The following ACACB variants were observed in gnomAD, a reference collection of about 807,000 sequenced individuals.
ACACB encodes acetyl-CoA carboxylase 2.
ACACB carries 209 observed loss-of-function variants against 278.8 expected under a neutral mutation model. The ratio of observed to expected loss-of-function variants is 0.75; its 90% CI spans 0.67 to 0.84. The LOEUF (loss-of-function observed/expected upper bound fraction) is 0.84, where lower values mean the gene tolerates loss of function less well. Ranked by LOEUF, ACACB falls within the 40% of genes least tolerant of loss-of-function variation. The pLI is 0.00. For missense variants in ACACB, 2,850 were observed against 3,269.0 expected (o/e 0.87, Z 3.13); for synonymous variants, 1,174 against 1,285.6 (o/e 0.91, Z 1.86).
At chr12:109,258,153 T>C in intron 45 of ACACB, 115 bp from the exon 46 acceptor site, 1 of 706,934 alleles carries the variant, frequency 1.4e-6, no homozygotes, top group Admixed American at 2.9e-5. Flanking sequence ...AATAAAATAA[T>C]CCGCCAGATT....
intron 29 of ACACB, among the ~76,000 whole-genome samples, 193 bp downstream of exon 29, chr12:109,232,999 G>C (rs2046520165): frequency 6.6e-6 from 1 of 152,134 alleles, no homozygotes; most frequent in African/African-American, 2.4e-5. Context: ...GCCTGGCACA[G>C]CACATCAATA....
At chr12:109,206,426 C>G (rs892412411) in intron 19 of ACACB, among the ~76,000 whole-genome samples, 8 of 63,444 alleles carry the variant, frequency 1.3e-4, no homozygotes, top group African/African-American at 8.5e-4. Flanking sequence ...ATGCGAGTGT[C>G]TCAAAAAAAA....
chr12:109,159,259 G>A (rs2043643761), intron 2 of ACACB, among the ~76,000 whole-genome samples: 1 of 152,236 alleles, frequency 6.6e-6, no homozygotes, highest in East Asian at 1.9e-4. Context: ...TTTGGAAGTA[G>A]TTGTAATTAC....
At chr12:109,207,252 AGCCCCTCG>A (rs2045549878) in intron 20 of ACACB, among the ~76,000 whole-genome samples, 1 of 152,102 alleles carries the variant, frequency 6.6e-6, no homozygotes, top group South Asian at 2.1e-4. Context: ...CACCGCACCC[AGCCCCTCG>A]GTTGTGTTTA....
At chr12:109,264,753 C>G (rs2047470279) in intron 50 of ACACB, among the ~76,000 whole-genome samples, 1 of 152,148 alleles carries the variant, frequency 6.6e-6, no homozygotes, top group African/African-American at 2.4e-5. Flanking sequence ...GCAAGGACTC[C>G]CACAGTCACC....
At chr12:109,259,193 T>C in intron 47 of ACACB, 85 bp downstream of exon 47, 1 of 1,485,888 alleles carries the variant, frequency 6.7e-7, no homozygotes, top group Non-Finnish European at 9.2e-7. Flanking sequence ...GCTAATGTCC[T>C]AGTCTGTGCC....
At chr12:109,155,551 C>T (rs2136100362) in intron 2 of ACACB, among the ~76,000 whole-genome samples, 1 of 151,360 alleles carries the variant, frequency 6.6e-6, no homozygotes, top group East Asian at 1.9e-4. Context: ...AATTCCACCC[C>T]TGTGATGTTT....
rs1565935939 is a variant in ACACB, at chr12:109,216,706, G to A, written c.3439G>A (p.Ala1147Thr). 6.2e-7 allele frequency: 1 copy of A among 1,614,172 alleles called. No homozygotes were observed. The highest frequency in any genetic ancestry group is 1.7e-5 in the Admixed American group (1 of 60,012). Reference sequence around the variant, plus strand: ...GCGTGTTGAGCACCATTTTCAGCAAGGCAAGAGATGCTGATGCCAACACCA... The same window carrying A: ...GCGTGTTGAGCACCATTTTCAGCAAAGCAAGAGATGCTGATGCCAACACCA... ...YLRVEHHFQQAHYDKCVINLR... is the reference protein window; with the variant it reads ...YLRVEHHFQQTHYDKCVINLR... The change falls in exon 23 of 53, where the codon GCC becomes ACC. Residue 1147 changes from alanine to threonine, a missense_variant and splice_region_variant. Physicochemically the swap from Ala to Thr is moderately conservative, Grantham distance 58. Around this residue, in one of 3 missense-constraint regions of ACACB, gnomAD observed 2,265 missense variants for 2,561.3 expected, o/e 0.88. Coordinates refer to ENST00000338432, the MANE Select transcript of ACACB (RefSeq NM_001093.4).
At chr12:109,230,714 G>A (rs1316120069) in intron 28 of ACACB, among the ~76,000 whole-genome samples, 3 of 152,190 alleles carry the variant, frequency 2.0e-5, no homozygotes, top group African/African-American at 7.2e-5. Context: ...ATAGGCGCGA[G>A]CCCCTGTGCC....
In ACACB at chr12:109,179,211, T is replaced by TGCTCCATCCAGCG. The variant is rs746524443; in HGVS notation, c.1564_1576dup (p.Arg526LeufsTer11). 6.2e-7 allele frequency: 1 copy of TGCTCCATCCAGCG among 1,614,142 alleles called. No homozygotes were observed. The highest frequency in any genetic ancestry group is 1.1e-5 in the South Asian group (1 of 91,084). Reference sequence around the variant, plus strand: ...TGCTGTGTCTCTGTTTGGTCGCGACTGCTCCATCCAGCGGCGGCATCAGAA... The same window carrying TGCTCCATCCAGCG: ...TGCTGTGTCTCTGTTTGGTCGCGACTGCTCCATCCAGCGGCTCCATCCAGCGGCGGCATCAGAA... On this transcript the variant is annotated frameshift_variant, in exon 10 of 53. Coordinates refer to ENST00000338432, the MANE Select transcript of ACACB (RefSeq NM_001093.4). LOFTEE classifies it high-confidence loss of function.
intron 11 of ACACB, among the ~76,000 whole-genome samples, chr12:109,181,138 C>T (rs532088532): frequency 3.8e-4 from 57 of 151,892 alleles, no homozygotes; most frequent in African/African-American, 1.3e-3. Context: ...GTTCCATCCA[C>T]GTTGTTGCAA....
chr12:109,210,235 A>ACATATACACACATATCTGTGTG (rs2045734851), intron 21 of ACACB, among the ~76,000 whole-genome samples: 1 of 21,076 alleles, frequency 4.7e-5, no homozygotes, highest in Non-Finnish European at 7.9e-5. Context: ...GTGTATATGT[A>ACATATACACACATATCTGTGTG]TATATGTATA....
intron 50 of ACACB, among the ~76,000 whole-genome samples, 154 bp downstream of exon 50, chr12:109,264,540 C>T (rs1318727214): frequency 1.3e-5 from 2 of 152,090 alleles, no homozygotes; most frequent in East Asian, 3.9e-4. Context: ...TTAAAATAAT[C>T]CCGATCCCCA....
chr12:109,114,460 G>C (rs1310263984), upstream of ACACB, among the ~76,000 whole-genome samples: 2 of 152,148 alleles, frequency 1.3e-5, no homozygotes, highest in Admixed American at 1.3e-4. Flanking sequence ...GTGGGGGAAG[G>C]CATGTGAATT....
Position 109,246,367 on chromosome 12 carries a change from C to A in ACACB, c.5490C>A (p.Asn1830Lys). ...EGIPKIYVAA[N>K]SGARIGMAEE... ...TTCCCAAAATTTACGTGGCAGCCAA[C>A]AGTGGCGCCCGTATTGGCATGGCAG... The change falls in exon 39 of 53, where the codon AAC (asparagine) becomes AAA (lysine). Residue 1830 changes from asparagine to lysine, a missense_variant. By Grantham distance (94) the Asn-to-Lys change is moderately conservative (BLOSUM62 0). Transcript: ENST00000338432. The A allele has an allele frequency of 6.2e-7, 1 of 1,613,408 alleles. No individual in the cohort carries two copies. The highest frequency in any genetic ancestry group is 8.5e-7 in the Non-Finnish European group (1 of 1,179,918).
chr12:109,128,853 G>A (rs1374992694), intron 1 of ACACB, among the ~76,000 whole-genome samples: 1 of 151,350 alleles, frequency 6.6e-6, no homozygotes, highest in Non-Finnish European at 1.5e-5. Context: ...ACCCAGGCTG[G>A]TCCTGAACTG....
rs1381309570 is a variant in ACACB, at chr12:109,206,853, A to G, written c.3057A>G (p.Ile1019Met). The change falls in exon 20 of 53, where the codon ATA becomes ATG. Residue 1019 changes from isoleucine to methionine, a missense_variant. Transcript: ENST00000338432. ...GTCTGCCAGAGCCCGTTTTTAGCAT[A>G]AAGGTAAAGTCACCTATGAGCGCAG... ...GFCLPEPVFSIKLKEWVQKLM... is the reference protein window; with the variant it reads ...GFCLPEPVFSMKLKEWVQKLM... The G allele has an allele frequency of 1.2e-6, 2 of 1,614,094 alleles. No individual in the cohort carries two copies. Among genetic ancestry groups the G allele is most frequent in the African/African-American group, 2.7e-5 (2 of 74,942 alleles).
At chr12:109,196,767 C>G (rs896283792) in intron 16 of ACACB, among the ~76,000 whole-genome samples, 1 of 152,160 alleles carries the variant, frequency 6.6e-6, no homozygotes, top group Non-Finnish European at 1.5e-5. Flanking sequence ...TTGACAGGGA[C>G]TATATAAGCG....
chr12:109,267,186 AT>A lies in ACACB; in HGVS notation c.*831del. On this transcript the variant is annotated 3_prime_UTR_variant, in exon 53 of 53. Transcript: ENST00000338432. Reference sequence around the variant, plus strand: ...ATGAGCCACCATCTTCAGCCAGATGATTTTTTTATTGAGAGAGTGAAATGCT... The same window carrying A: ...ATGAGCCACCATCTTCAGCCAGATGATTTTTTATTGAGAGAGTGAAATGCT... The A allele has an allele frequency of 6.6e-6, 1 of 152,164 alleles. No individual in the cohort carries two copies. The highest frequency in any genetic ancestry group is 1.5e-5 in the Non-Finnish European group (1 of 68,000). 9.4% of individuals were successfully genotyped at this position (152,164 alleles called of 1,614,324 possible).
Sources: allele counts gnomAD v4.1 joint callset (sites outside exome capture counted in the v4.1 genomes callset), GRCh38; gene constraint gnomAD v4.1.1; regional missense constraint gnomAD v4.1.1; transcripts MANE v1.5; gene names NCBI Gene and HGNC (gene_info 2026-07-23, HGNC 2026-07-21).